The following WWOX variants were observed in gnomAD, a reference collection of about 807,000 sequenced individuals.
WWOX encodes the protein WW domain containing oxidoreductase.
WWOX carries 69 observed loss-of-function variants against 46.2 expected under a neutral mutation model. The ratio of observed to expected loss-of-function variants is 1.49; its 90% CI spans 1.23 to 1.82. The LOEUF (loss-of-function observed/expected upper bound fraction) is 1.82. WWOX is among the 40% of genes most tolerant of loss of function. WWOX has a pLI of 0.00. For synonymous variants in WWOX, 359 were observed against 202.6 expected, an observed-to-expected ratio of 1.77 and a Z score of -6.56; for missense variants, 919 against 542.6, an observed-to-expected ratio of 1.69 and a Z score of -6.89.
intron 8 of WWOX, among the ~76,000 whole-genome samples, chr16:78,745,126 A>C (rs948188220): frequency 2.0e-5 from 3 of 152,198 alleles, no homozygotes; most frequent in African/African-American, 7.2e-5. Flanking sequence ...ACTAGTTTAG[A>C]GTGGAGTTTG....
At chr16:78,413,607 C>A (rs1319886200) in intron 6 of WWOX, among the ~76,000 whole-genome samples, 2 of 151,978 alleles carry the variant, frequency 1.3e-5, no homozygotes, top group Non-Finnish European at 2.9e-5. Flanking sequence ...GCTATTTTCA[C>A]TTCTTTTGTG....
intron 8 of WWOX, among the ~76,000 whole-genome samples, chr16:78,870,005 C>G (rs936802245): frequency 6.6e-6 from 1 of 152,304 alleles, no homozygotes; most frequent in East Asian, 1.9e-4. Flanking sequence ...CAAAGTCTCT[C>G]CACTGATCTG....
chr16:78,922,481 C>G (rs545030098), intron 8 of WWOX, among the ~76,000 whole-genome samples: 1 of 151,168 alleles, frequency 6.6e-6, no homozygotes, highest in Non-Finnish European at 1.5e-5. Context: ...CGGGTTCAAG[C>G]GATTCTCGTG....
intron 8 of WWOX, among the ~76,000 whole-genome samples, chr16:79,138,394 A>T (rs76937835): frequency 0.016 from 2,471 of 152,180 alleles, 70 homozygotes; most frequent in African/African-American, 0.057. Flanking sequence ...TGCCTTCCCC[A>T]TTTGACTTAG....
intron 8 of WWOX, among the ~76,000 whole-genome samples, chr16:78,595,217 A>C (rs1341004471): frequency 6.6e-6 from 1 of 152,206 alleles, no homozygotes; most frequent in East Asian, 1.9e-4. Flanking sequence ...GTCAGATGTC[A>C]TATTCCTGCC....
chr16:78,826,781 G>A (rs771473539), intron 8 of WWOX, among the ~76,000 whole-genome samples: 1 of 152,132 alleles, frequency 6.6e-6, no homozygotes, highest in Non-Finnish European at 1.5e-5. Flanking sequence ...ACAGTGGTGA[G>A]GTTTGAGGGG....
intron 8 of WWOX, among the ~76,000 whole-genome samples, chr16:79,070,548 C>T (rs1199571351): frequency 1.3e-5 from 2 of 152,112 alleles, no homozygotes; most frequent in Non-Finnish European, 2.9e-5. Context: ...ATGAGCAAAG[C>T]TCCTTGGCAA....
intron 8 of WWOX, among the ~76,000 whole-genome samples, chr16:78,643,078 C>T (rs1004814952): frequency 2.0e-5 from 3 of 152,104 alleles, no homozygotes; most frequent in African/African-American, 7.2e-5. Context: ...ACTAGATAAG[C>T]CAAGATAAGG....
intron 8 of WWOX, among the ~76,000 whole-genome samples, chr16:79,135,586 T>C (rs577303710): frequency 2.6e-5 from 4 of 152,334 alleles, no homozygotes; most frequent in African/African-American, 9.6e-5. Context: ...AGGTAGAGTA[T>C]ATTCCTAGAA....
intron 8 of WWOX, chr16:78,825,285 C>T: frequency 3.5e-6 from 1 of 281,766 alleles, no homozygotes; most frequent in Admixed American, 3.8e-5. Flanking sequence ...AGCATGATGG[C>T]CGCGCGAATT....
At chr16:78,238,246 T>A (rs2037508466) in intron 5 of WWOX, 1 of 152,186 alleles carries the variant, frequency 6.6e-6, no homozygotes, top group Non-Finnish European at 1.5e-5. Context: ...GGTGGTGAAA[T>A]TTGACTTCAG....
At chr16:78,914,110 C>T (rs1307497430) in intron 8 of WWOX, among the ~76,000 whole-genome samples, 1 of 152,002 alleles carries the variant, frequency 6.6e-6, no homozygotes, top group African/African-American at 2.4e-5. Context: ...AGGATATCAC[C>T]TCACAGGAGT....
intron 8 of WWOX, among the ~76,000 whole-genome samples, chr16:79,020,507 A>G (rs1300879646): frequency 2.6e-5 from 4 of 152,198 alleles, no homozygotes; most frequent in Non-Finnish European, 1.5e-5. Flanking sequence ...ATGCAACAGT[A>G]ATCCAACCAC....
intron 5 of WWOX, among the ~76,000 whole-genome samples, chr16:78,307,952 C>G (rs577846394): frequency 3.9e-5 from 6 of 152,294 alleles, no homozygotes; most frequent in African/African-American, 1.4e-4. Context: ...ACTTCAGAAC[C>G]AAGCTCAGAT....
intron 8 of WWOX, among the ~76,000 whole-genome samples, chr16:78,620,224 G>A (rs760237648): frequency 1.3e-5 from 2 of 152,212 alleles, no homozygotes; most frequent in Non-Finnish European, 2.9e-5. Flanking sequence ...CCAAGAAGCA[G>A]CAAGCTGTTT....
chr16:78,701,097 G>A (rs1029838208), intron 8 of WWOX, among the ~76,000 whole-genome samples: 1 of 152,066 alleles, frequency 6.6e-6, no homozygotes, highest in Non-Finnish European at 1.5e-5. Context: ...CTTTAAAGGT[G>A]GGCTAGTGAT....
At position 78,321,166 on chromosome 16, in the gene WWOX, A is replaced by T. The variant is rs556444104; in HGVS notation, c.517-65694A>T. On this transcript the variant is annotated intron_variant, in intron 5 of 8. Transcript: ENST00000566780. ...TTGCAAAAAGGAATGTATAGGCCTT[A>T]ATTGAAAATGTATCTTTCTGGAACA... is the stretch of plus-strand genomic sequence containing the variant. 9.2e-5 allele frequency among the ~76,000 whole-genome samples: 14 copies of T among 152,034 alleles called. No individual in the cohort carries two copies. The East Asian group carries it at 2.5e-3, about 27-fold the overall frequency.
At chr16:78,313,210 C>A (rs746824596) in intron 5 of WWOX, among the ~76,000 whole-genome samples, 1 of 152,196 alleles carries the variant, frequency 6.6e-6, no homozygotes, top group Non-Finnish European at 1.5e-5. Flanking sequence ...GGCTCTTCCA[C>A]TTGCTAGCCA....
At chr16:78,294,515 T>C (rs1192209618) in intron 5 of WWOX, among the ~76,000 whole-genome samples, 1 of 152,166 alleles carries the variant, frequency 6.6e-6, no homozygotes, top group Non-Finnish European at 1.5e-5. Flanking sequence ...TCCCTAGTCA[T>C]CTCTTATTTA....
Sources: allele counts gnomAD v4.1 joint callset (sites outside exome capture counted in the v4.1 genomes callset), GRCh38; gene constraint gnomAD v4.1.1; transcripts MANE v1.5; gene names NCBI Gene and HGNC (gene_info 2026-07-23, HGNC 2026-07-21).